The following CTTNBP2 variants were observed in gnomAD, a reference collection of about 807,000 sequenced individuals.
CTTNBP2 encodes cortactin-binding protein 2.
Under a neutral mutation model 156.9 loss-of-function variants are expected in CTTNBP2, and 108 were observed. The ratio of observed to expected loss-of-function variants is 0.69; its 90% CI spans 0.59 to 0.81. The LOEUF (loss-of-function observed/expected upper bound fraction) is 0.81, where lower values mean the gene tolerates loss of function less well. CTTNBP2 is among the 30% of genes least tolerant of loss of function. The pLI is 0.00. For missense variants in CTTNBP2, 1,924 were observed against 2,035.4 expected, an observed-to-expected ratio of 0.95 and a Z score of 1.05; for synonymous variants, 767 against 751.8, an observed-to-expected ratio of 1.02 and a Z score of -0.33.
At chr7:117,860,586 G>A (rs189609133) in intron 2 of CTTNBP2, among the ~76,000 whole-genome samples, 120 of 151,940 alleles carry the variant, frequency 7.9e-4, no homozygotes, top group African/African-American at 2.8e-3. Flanking sequence ...CTCATGATCC[G>A]CCCACCTCGG....
chr7:117,816,633 T>G (rs1800591942), intron 2 of CTTNBP2, among the ~76,000 whole-genome samples: 4 of 152,212 alleles, frequency 2.6e-5, no homozygotes, highest in Admixed American at 2.6e-4. Context: ...CCACTTGAAA[T>G]CTCTTCAGTT....
Position 117,860,036 on chromosome 7 carries a change from C to G in CTTNBP2, c.189+1173G>C, listed in dbSNP as rs140763821. Among the ~76,000 whole-genome samples the G allele has an allele frequency of 2.1e-3, 317 of 152,320 alleles. 1 individual carries two copies. Among genetic ancestry groups the G allele is most frequent in the African/African-American group, 7.5e-3 (313 of 41,568 alleles). ...TCCTCTACCATATACGCTCCTGTCA[C>G]AGGTAACAATGTGTTAACATTCCAC... On this transcript the variant is annotated intron_variant, in intron 2 of 22. Transcript: ENST00000160373.
At chr7:117,861,141 G>T (rs1226091396) in intron 2 of CTTNBP2, 68 bp downstream of exon 2, 1 of 883,436 alleles carries the variant, frequency 1.1e-6, no homozygotes, top group African/African-American at 1.7e-5. Flanking sequence ...GAAAAAGAAG[G>T]TTTGCCAATG....
chr7:117,749,782 C>T (rs1796529589), intron 12 of CTTNBP2, among the ~76,000 whole-genome samples: 1 of 152,002 alleles, frequency 6.6e-6, no homozygotes, highest in South Asian at 2.1e-4. Context: ...AGGTAGGCCT[C>T]ACATAAATGG....
chr7:117,861,392 GA>G, intron 1 of CTTNBP2, 76 bp from the exon 2 acceptor site: 1 of 1,033,150 alleles, frequency 9.7e-7, no homozygotes, highest in Non-Finnish European at 1.5e-6. Context: ...GGTATGCAAT[GA>G]ATCAGTTTTA....
At chr7:117,847,943 C>A (rs375241752) in intron 2 of CTTNBP2, among the ~76,000 whole-genome samples, 14 of 150,962 alleles carry the variant, frequency 9.3e-5, no homozygotes, top group Non-Finnish European at 2.1e-4. Context: ...CTCAGCCTCC[C>A]GACTAGCTGG....
At position 117,711,517 on chromosome 7, in the gene CTTNBP2, T is replaced by C. The variant is rs753337457; in HGVS notation, c.*20A>G. ...TGTGTGAAATAGAGGAAGTTAATAATGAGAATATTGTAGGCAGGCCTATTT... is the reference window on the plus strand; with the variant it reads ...TGTGTGAAATAGAGGAAGTTAATAACGAGAATATTGTAGGCAGGCCTATTT... On this transcript the variant is annotated 3_prime_UTR_variant, in exon 23 of 23. Transcript: ENST00000160373. The C allele has an allele frequency of 1.3e-6, 2 of 1,595,870 alleles. No individual in the cohort carries two copies. The highest frequency in any genetic ancestry group is 1.1e-5 in the South Asian group (1 of 87,364).
chr7:117,733,703 A>G (rs573914984), intron 16 of CTTNBP2, among the ~76,000 whole-genome samples: 40 of 152,272 alleles, frequency 2.6e-4, no homozygotes, highest in African/African-American at 9.4e-4. Flanking sequence ...GGAATTTCAG[A>G]TATTAATTCT....
intron 2 of CTTNBP2, among the ~76,000 whole-genome samples, chr7:117,851,585 G>T (rs75506097): frequency 0.01 from 1,535 of 152,272 alleles, 29 homozygotes; most frequent in African/African-American, 0.035. Context: ...CTACCTCGGA[G>T]CCTACAGTGA....
In CTTNBP2 at chr7:117,725,208, C is replaced by T; in HGVS notation, c.4105G>A (p.Ala1369Thr). Residue 1369 changes from alanine (A) to threonine (T), a missense_variant, in exon 18 of 23, where the codon GCA (alanine) becomes ACA (threonine). Coordinates refer to ENST00000160373, the MANE Select transcript of CTTNBP2 (RefSeq NM_033427.3). The stretch of plus-strand genomic sequence containing the variant: ...TTCACAGAGGCTCTTGACAATATTG[C>T]TTCTTGAACTCTGGGTGCGATGACG... ...NGVIAPRVQEAILSRASVKRQ... is the reference protein window; with the variant it reads ...NGVIAPRVQETILSRASVKRQ... 1.2e-6 allele frequency: 2 copies of T among 1,614,102 alleles called. No homozygotes were observed. The highest frequency in any genetic ancestry group is 1.7e-6 in the Non-Finnish European group (2 of 1,180,034).
chr7:117,712,827 T>TA (rs539621073), intron 22 of CTTNBP2, among the ~76,000 whole-genome samples: 2 of 152,148 alleles, frequency 1.3e-5, no homozygotes, highest in African/African-American at 4.8e-5. Flanking sequence ...CATACGATTT[T>TA]AAAAAATCTT....
At position 117,825,664 on chromosome 7, in the gene CTTNBP2, C is replaced by A. The variant is rs73716277; in HGVS notation, c.190-14675G>T. The stretch of plus-strand genomic sequence containing the variant: ...ATCTGTCGCTTCAAAGTTATGCAAA[C>A]TTGGGTTGGTTATTTGACTGACTAC... On this transcript the variant is annotated intron_variant, in intron 2 of 22. Transcript: ENST00000160373. Among the ~76,000 whole-genome samples, 1,065 of 152,236 alleles carry A rather than the reference C, an allele frequency of 7.0e-3. 9 individuals carry two copies. Among genetic ancestry groups the A allele is most frequent in the African/African-American group, 0.024 (996 of 41,530 alleles).
At chr7:117,806,272 A>G (rs1242504803) in intron 3 of CTTNBP2, among the ~76,000 whole-genome samples, 1 of 152,226 alleles carries the variant, frequency 6.6e-6, no homozygotes, top group Non-Finnish European at 1.5e-5. Context: ...ACATGGTTTT[A>G]TAGAATGAAA....
intron 7 of CTTNBP2, 103 bp downstream of exon 7, chr7:117,780,333 CAAAAT>C (rs1798347443): frequency 1.3e-6 from 1 of 754,800 alleles, no homozygotes; most frequent in Non-Finnish European, 2.0e-6. Context: ...ACAAGCAAAA[CAAAAT>C]AAAGCAACCT....
chr7:117,741,224 G>A (rs1795999817), intron 14 of CTTNBP2, among the ~76,000 whole-genome samples: 1 of 152,162 alleles, frequency 6.6e-6, no homozygotes, highest in Non-Finnish European at 1.5e-5. Flanking sequence ...GAGAGCAGGA[G>A]GAGGAGATAG....
intron 6 of CTTNBP2, 42 bp downstream of exon 6, chr7:117,782,820 G>C (rs1242380336): frequency 1.4e-6 from 2 of 1,385,764 alleles, no homozygotes; most frequent in East Asian, 2.3e-5. Flanking sequence ...ATAAAAAGAG[G>C]CTCCTTTGAT....
In CTTNBP2 at chr7:117,735,066, C is replaced by T. The variant is rs770531339; in HGVS notation, c.3723G>A (p.Glu1241=). The T allele has an allele frequency of 2.0e-5, 33 of 1,613,910 alleles. No homozygotes were observed. The highest frequency in any genetic ancestry group is 3.3e-5 in the Admixed American group (2 of 59,988). ...NGLSECYYFH[E]NCFLMGTIAK... is the part of the protein sequence containing the mutation. Reference sequence around the variant, plus strand: ...CGATGGTTCCCATCAGAAAGCAGTTCTCATGAAAGTAATAACATTCGGACA... The same window carrying T: ...CGATGGTTCCCATCAGAAAGCAGTTTTCATGAAAGTAATAACATTCGGACA... Residue 1241 remains glutamate (E), a synonymous_variant, in exon 16 of 23, where the codon GAG becomes GAA. Coordinates refer to ENST00000160373, the MANE Select transcript of CTTNBP2 (RefSeq NM_033427.3).
At chr7:117,854,252 T>C (rs1056613968) in intron 2 of CTTNBP2, among the ~76,000 whole-genome samples, 6 of 152,234 alleles carry the variant, frequency 3.9e-5, no homozygotes, top group Non-Finnish European at 8.8e-5. Context: ...TCATTAATTA[T>C]AATGAACAGC....
chr7:117,728,496 G>C (rs753359300), intron 16 of CTTNBP2, among the ~76,000 whole-genome samples: 6 of 152,094 alleles, frequency 3.9e-5, no homozygotes, highest in Non-Finnish European at 7.3e-5. Flanking sequence ...GCCTGAGTTA[G>C]GCATTTTTAC....
Sources: gnomAD v4.1 joint callset for allele counts (sites outside exome capture counted in the v4.1 genomes callset) on GRCh38, gnomAD v4.1.1 for gene constraint, MANE v1.5 for transcripts, NCBI Gene and HGNC (gene_info 2026-07-23, HGNC 2026-07-21) for gene names.